SIK3: variants seen among roughly 807,000 people sequenced by gnomAD.
SIK3 encodes serine/threonine-protein kinase SIK3.
Under a neutral mutation model 144.2 loss-of-function variants are expected in SIK3, and 28 were observed. The observed-to-expected ratio is 0.19, with a 90% confidence interval of 0.14 to 0.27. The LOEUF (loss-of-function observed/expected upper bound fraction) is 0.27, where lower values mean the gene tolerates loss of function less well. Ranked by LOEUF, SIK3 falls within the 10% of genes least tolerant of loss-of-function variation. The pLI is 1.00. For missense variants in SIK3, 1,319 were observed against 1,776.0 expected (o/e 0.74, Z 4.62); for synonymous variants, 686 against 676.3 (o/e 1.01, Z -0.22).
intron 1 of SIK3, among the ~76,000 whole-genome samples, chr11:116,961,439 A>G (rs73592295): frequency 0.014 from 2,161 of 152,332 alleles, 64 homozygotes; most frequent in African/African-American, 0.049. Context: ...ATAAATGAGT[A>G]TGAGTTTCAC....
chr11:117,072,246 G>A (rs765563056), intron 1 of SIK3, among the ~76,000 whole-genome samples: 4 of 152,044 alleles, frequency 2.6e-5, no homozygotes, highest in Non-Finnish European at 2.9e-5. Context: ...AAATTAGCCA[G>A]GCCTGGTGGC....
intron 3 of SIK3, among the ~76,000 whole-genome samples, chr11:116,935,502 G>A (rs1947864960): frequency 6.6e-6 from 1 of 152,086 alleles, no homozygotes; most frequent in African/African-American, 2.4e-5. Context: ...GGAAGGATTT[G>A]TTTTCTTATG....
chr11:116,941,939 C>A (rs866059173), intron 3 of SIK3, among the ~76,000 whole-genome samples: 6 of 152,328 alleles, frequency 3.9e-5, no homozygotes, highest in Middle Eastern at 3.4e-3. Context: ...AATAAACCCA[C>A]ACTGTCATCA....
chr11:116,942,023 AT>A (rs1948333528), intron 3 of SIK3, among the ~76,000 whole-genome samples: 1 of 152,228 alleles, frequency 6.6e-6, no homozygotes, highest in Admixed American at 6.5e-5. Flanking sequence ...AGTAGTAAAT[AT>A]TCATGAAATA....
At chr11:116,852,714 T>C (rs1020392671) in intron 21 of SIK3, among the ~76,000 whole-genome samples, 2 of 152,150 alleles carry the variant, frequency 1.3e-5, no homozygotes, top group South Asian at 2.1e-4. Context: ...AACAAGGAAA[T>C]TGATTTAATC....
intron 4 of SIK3, among the ~76,000 whole-genome samples, chr11:116,904,338 TA>T (rs1438718261): frequency 6.6e-6 from 1 of 152,160 alleles, no homozygotes; most frequent in African/African-American, 2.4e-5. Flanking sequence ...CTGCCCTGGG[TA>T]CAATAAAGGG....
intron 3 of SIK3, among the ~76,000 whole-genome samples, chr11:116,951,741 C>T (rs1435558141): frequency 2.6e-5 from 4 of 151,850 alleles, no homozygotes; most frequent in African/African-American, 9.7e-5. Flanking sequence ...TCACAACCAG[C>T]CTGGGCAACA....
chr11:116,943,714 G>C (rs563793402), intron 3 of SIK3, among the ~76,000 whole-genome samples: 1 of 152,038 alleles, frequency 6.6e-6, no homozygotes, highest in East Asian at 1.9e-4. Flanking sequence ...TTTCTCTCCG[G>C]TGACCTAGAA....
At chr11:117,034,685 G>A (rs774364494) in intron 1 of SIK3, among the ~76,000 whole-genome samples, 9 of 152,130 alleles carry the variant, frequency 5.9e-5, no homozygotes, top group African/African-American at 1.4e-4. Context: ...ATGCCAGCAC[G>A]ATTCCAATTA....
At chr11:117,066,283 G>A (rs1170110196) in intron 1 of SIK3, among the ~76,000 whole-genome samples, 1 of 151,840 alleles carries the variant, frequency 6.6e-6, no homozygotes, top group Non-Finnish European at 1.5e-5. Flanking sequence ...GGTCAGGCTG[G>A]TCTCAAACTC....
At chr11:117,069,555 C>G (rs1954173229) in intron 1 of SIK3, among the ~76,000 whole-genome samples, 1 of 152,208 alleles carries the variant, frequency 6.6e-6, no homozygotes, top group South Asian at 2.1e-4. Context: ...AAATCACCAT[C>G]TAGAATTATT....
chr11:116,876,057 T>A (rs765033509), intron 8 of SIK3, 48 bp from the exon 9 acceptor site: 3 of 1,608,626 alleles, frequency 1.9e-6, no homozygotes, highest in Non-Finnish European at 2.5e-6. Context: ...TGAAATGGCA[T>A]GTTGATGACC....
intron 1 of SIK3, among the ~76,000 whole-genome samples, chr11:117,039,329 C>T (rs953433858): frequency 3.9e-5 from 6 of 152,108 alleles, no homozygotes; most frequent in African/African-American, 1.4e-4. Flanking sequence ...CGCTATGTTG[C>T]CCTGGTCTTG....
chr11:117,087,648 C>T (rs1955073800), intron 1 of SIK3, among the ~76,000 whole-genome samples: 1 of 152,034 alleles, frequency 6.6e-6, no homozygotes, highest in Admixed American at 6.5e-5. Context: ...TAAAGAGAGC[C>T]AGTGTGGCTT....
chr11:116,957,729 G>T (rs930717816), intron 1 of SIK3, among the ~76,000 whole-genome samples: 9 of 152,176 alleles, frequency 5.9e-5, no homozygotes, highest in Middle Eastern at 6.8e-3. Flanking sequence ...CAGAAACTGA[G>T]GCACACAGAG....
At chr11:117,069,758 T>C (rs1433737101) in intron 1 of SIK3, among the ~76,000 whole-genome samples, 2 of 152,166 alleles carry the variant, frequency 1.3e-5, no homozygotes, top group African/African-American at 4.8e-5. Context: ...ACCTCAGAGC[T>C]TTTAGCACAT....
intron 2 of SIK3, among the ~76,000 whole-genome samples, chr11:116,955,538 G>A (rs1458367729): frequency 3.3e-5 from 5 of 152,212 alleles, no homozygotes; most frequent in Admixed American, 2.0e-4. Context: ...GGTAAGACAG[G>A]CAAACTTGCA....
rs1565475729 is a variant in SIK3, at chr11:116,938,564, AGG to A, written c.455-11186_455-11185del. On this transcript the variant is annotated intron_variant, in intron 3 of 24. Coordinates refer to ENST00000445177, the MANE Select transcript of SIK3 (RefSeq NM_001366686.3). ...AGGGGAGGGGAGGGGAGGGGAGGGG[AGG>A]GGAGGGGAGGGGAGGGGAGGAGAGG... Among the ~76,000 whole-genome samples, 11 of 43,340 alleles carry A rather than the reference AGG, an allele frequency of 2.5e-4. 1 individual carries two copies. Among genetic ancestry groups the A allele is most frequent in the South Asian group, 1.7e-3 (1 of 586 alleles). The allele number at this position is 43,340 out of a possible 152,430, so 28.4% of individuals were successfully genotyped here.
At chr11:116,978,037 T>G (rs1004706164) in intron 1 of SIK3, among the ~76,000 whole-genome samples, 2 of 151,986 alleles carry the variant, frequency 1.3e-5, no homozygotes, top group African/African-American at 2.4e-5. Context: ...GCTAACACGG[T>G]GAAACCCCAT....
Sources: gnomAD v4.1 joint callset for allele counts (sites outside exome capture counted in the v4.1 genomes callset) on GRCh38, gnomAD v4.1.1 for gene constraint, MANE v1.5 for transcripts, NCBI Gene and HGNC (gene_info 2026-07-23, HGNC 2026-07-21) for gene names.